The following CLVS1 variants were observed in gnomAD, a reference collection of about 807,000 sequenced individuals.
CLVS1 encodes the protein clavesin 1, also known as clavesin-1.
In CLVS1, 10 loss-of-function variants were observed where a neutral mutation model predicts 33.1. The ratio of observed to expected loss-of-function variants is 0.30; its 90% CI spans 0.19 to 0.51. CLVS1 has a LOEUF of 0.51. Ranked by LOEUF, CLVS1 falls within the 20% of genes least tolerant of loss-of-function variation. CLVS1 has a pLI of 0.97. For synonymous variants in CLVS1, 163 were observed against 166.1 expected (o/e 0.98, Z 0.14); for missense variants, 343 against 433.4 (o/e 0.79, Z 1.85).
chr8:61,171,626 T>C (rs944990321), intron 2 of CLVS1, among the ~76,000 whole-genome samples: 1 of 152,180 alleles, frequency 6.6e-6, no homozygotes, highest in Non-Finnish European at 1.5e-5. Context: ...ACAGGATTTG[T>C]TCTTTCCTCT....
At chr8:61,394,371 G>GT (rs1814434736) in intron 3 of CLVS1, among the ~76,000 whole-genome samples, 1 of 152,134 alleles carries the variant, frequency 6.6e-6, no homozygotes, top group Non-Finnish European at 1.5e-5. Flanking sequence ...GGTTCCTTAG[G>GT]TGATGGGCTG....
the CLVS1 span, among the ~76,000 whole-genome samples, chr8:60,979,822 A>T: frequency 1.3e-5 from 2 of 152,292 alleles, no homozygotes; most frequent in Middle Eastern, 3.4e-3. Context: ...CAACCCATGC[A>T]CCCTTTTCAT....
At chr8:61,280,472 A>C (rs1341555856) in intron 2 of CLVS1, among the ~76,000 whole-genome samples, 12 of 152,220 alleles carry the variant, frequency 7.9e-5, no homozygotes. Context: ...CAGAGAATTG[A>C]CCTTGGAAAC....
chr8:61,222,435 C>A (rs1808236513), intron 2 of CLVS1, among the ~76,000 whole-genome samples: 1 of 152,072 alleles, frequency 6.6e-6, no homozygotes, highest in African/African-American at 2.4e-5. Flanking sequence ...TAATTATTTA[C>A]CCAGGAATCA....
intron 1 of CLVS1, among the ~76,000 whole-genome samples, chr8:61,100,250 A>G (rs1376905452): frequency 1.3e-5 from 2 of 152,338 alleles, no homozygotes; most frequent in East Asian, 1.9e-4. Context: ...TGATCATGAC[A>G]TTCAATGCAT....
chr8:61,150,840 A>C (rs1024813390), intron 2 of CLVS1, among the ~76,000 whole-genome samples: 2 of 152,166 alleles, frequency 1.3e-5, no homozygotes, highest in African/African-American at 4.8e-5. Flanking sequence ...CTTTTCACAG[A>C]GGTTGCTATG....
In CLVS1 at chr8:61,257,327, T is replaced by A. The variant is rs543471840; in HGVS notation, c.-151-42350T>A. 1.5e-4 allele frequency among the ~76,000 whole-genome samples: 23 copies of A among 152,332 alleles called. No homozygotes were observed. The South Asian group carries it at 4.3e-3, about 29-fold the overall frequency. ...AGGCCTTGACTTCCTACAAATTTGA[T>A]CTATATTCAGCAAAGCTACACATTT... On this transcript the variant is annotated intron_variant, in intron 2 of 2. Coordinates refer to the CLVS1 transcript ENST00000522621.
intron 2 of CLVS1, among the ~76,000 whole-genome samples, chr8:61,273,548 A>T (rs1585739993): frequency 6.6e-6 from 1 of 152,150 alleles, no homozygotes; most frequent in Non-Finnish European, 1.5e-5. Flanking sequence ...TGCTTTGTTT[A>T]CCTAATCAAG....
the CLVS1 span, among the ~76,000 whole-genome samples, chr8:60,987,333 A>G: frequency 6.6e-6 from 1 of 152,240 alleles, no homozygotes; most frequent in Admixed American, 6.5e-5. Flanking sequence ...AATGGGTTAC[A>G]TTGCAGACAA....
chr8:61,363,343 T>A (rs1162796224), intron 2 of CLVS1, among the ~76,000 whole-genome samples: 2 of 152,200 alleles, frequency 1.3e-5, no homozygotes, highest in African/African-American at 2.4e-5. Context: ...CTATTCAGAG[T>A]GTAGGATATT....
intron 2 of CLVS1, among the ~76,000 whole-genome samples, chr8:61,278,119 A>C (rs968848867): frequency 3.3e-5 from 5 of 152,172 alleles, no homozygotes; most frequent in Non-Finnish European, 7.4e-5. Flanking sequence ...AATTTTAGGC[A>C]AATTGTGGGG....
chr8:61,348,148 A>G lies in CLVS1; in HGVS notation c.456-28457A>G, dbSNP rs530927042. On this transcript the variant is annotated intron_variant, in intron 2 of 5. Coordinates refer to ENST00000325897, the MANE Select transcript of CLVS1 (RefSeq NM_173519.3). ...TGTCCCCAAATCCCTGGTTTCCACT[A>G]TATTACTCTCTGCTTCCATGAGTTT... Among the ~76,000 whole-genome samples, 34 of 152,036 alleles carry G rather than the reference A, an allele frequency of 2.2e-4. No homozygotes were observed. In the South Asian group the frequency reaches 4.6e-3, roughly 20 times the overall value.
In CLVS1 at chr8:61,300,416, G is replaced by C. The variant is rs143659247; in HGVS notation, c.455+134G>C. 2.0e-3 allele frequency: 1,589 copies of C among 781,884 alleles called. 4 individuals are homozygous for C. The highest frequency in any genetic ancestry group is 2.8e-3 in the Non-Finnish European group (1,407 of 502,742). The allele number at this position is 781,884 out of a possible 1,614,324, so 48.4% of individuals were successfully genotyped here. ...TCACATGTTCACCAAGGAAGTTTTA[G>C]GCCACAGGTGTGCTGTCTTCAAAAG... On this transcript the variant is annotated intron_variant, in intron 2 of 5. Transcript: ENST00000325897.
chr8:61,038,064 G>A, the CLVS1 span, among the ~76,000 whole-genome samples: 9 of 152,194 alleles, frequency 5.9e-5, no homozygotes, highest in Non-Finnish European at 1.2e-4. Context: ...CACCTGGACT[G>A]TCCCCCACTC....
chr8:61,356,366 C>A (rs1317048106), intron 2 of CLVS1, among the ~76,000 whole-genome samples: 1 of 151,940 alleles, frequency 6.6e-6, no homozygotes, highest in Non-Finnish European at 1.5e-5. Flanking sequence ...TTGTAGGTTG[C>A]CTGTTCACTC....
In CLVS1 at chr8:61,501,036, A is replaced by AAAT. The variant is rs1231708547; in HGVS notation, c.*1497_*1499dup. On this transcript the variant is annotated 3_prime_UTR_variant, in exon 6 of 6. Coordinates refer to ENST00000325897, the MANE Select transcript of CLVS1 (RefSeq NM_173519.3). ...TAATTTTTATATTATACACTTGGAG[A>AAAT]AATAAAGTTGAAACAGAATTAAAAA... 29 of 152,174 alleles carry AAAT rather than the reference A, an allele frequency of 1.9e-4. No individual in the cohort carries two copies. The highest frequency in any genetic ancestry group is 1.9e-3 in the Admixed American group (29 of 15,274). The allele number at this position is 152,174 out of a possible 1,614,324, so 9.4% of individuals were successfully genotyped here.
intron 2 of CLVS1, among the ~76,000 whole-genome samples, chr8:61,149,800 G>T (rs1012214783): frequency 6.6e-6 from 1 of 151,988 alleles, no homozygotes; most frequent in Admixed American, 6.6e-5. Flanking sequence ...AAAACTAGAA[G>T]GTGAAATAGA....
intron 2 of CLVS1, among the ~76,000 whole-genome samples, chr8:61,153,751 C>T (rs949993898): frequency 2.0e-5 from 3 of 152,018 alleles, no homozygotes; most frequent in Non-Finnish European, 4.4e-5. Context: ...TTACAGTGTT[C>T]GCTGCCATCT....
the CLVS1 span, among the ~76,000 whole-genome samples, chr8:61,027,173 A>G: frequency 2.0e-5 from 3 of 152,238 alleles, no homozygotes; most frequent in East Asian, 1.9e-4. Context: ...ATGATGGATC[A>G]TATACATCAT....
Sources: allele counts gnomAD v4.1 joint callset (sites outside exome capture counted in the v4.1 genomes callset), GRCh38; gene constraint gnomAD v4.1.1; transcripts MANE v1.5; gene names NCBI Gene and HGNC (gene_info 2026-07-23, HGNC 2026-07-21).